The following SMURF1 variants were observed in gnomAD, a reference collection of about 807,000 sequenced individuals.
SMURF1 encodes E3 ubiquitin-protein ligase SMURF1.
A neutral mutation model predicts 98.0 loss-of-function variants in SMURF1; 44 were observed. The ratio of observed to expected loss-of-function variants is 0.45; its 90% CI spans 0.35 to 0.58. The LOEUF (loss-of-function observed/expected upper bound fraction) is 0.58, where lower values mean the gene tolerates loss of function less well. SMURF1 is among the 20% of genes least tolerant of loss of function. SMURF1 has a pLI of 0.00. For synonymous variants in SMURF1, 396 were observed against 374.9 expected, an observed-to-expected ratio of 1.06 and a Z score of -0.65; for missense variants, 687 against 938.4, an observed-to-expected ratio of 0.73 and a Z score of 3.50.
At chr7:99,138,820 C>G (rs1377088319) in intron 1 of SMURF1, among the ~76,000 whole-genome samples, 2 of 152,226 alleles carry the variant, frequency 1.3e-5, no homozygotes, top group Non-Finnish European at 2.9e-5. Context: ...CTCTATTTGG[C>G]AGAATGTGAT....
chr7:99,115,479 G>A (rs1394000525), intron 1 of SMURF1, among the ~76,000 whole-genome samples: 1 of 152,088 alleles, frequency 6.6e-6, no homozygotes, highest in African/African-American at 2.4e-5. Context: ...TGTAATCCCA[G>A]CTACTTGGGA....
chr7:99,035,220 C>CTCT (rs1795090653), intron 16 of SMURF1, among the ~76,000 whole-genome samples: 2 of 152,228 alleles, frequency 1.3e-5, no homozygotes. Context: ...CTCACAGACA[C>CTCT]TCTGAAGGCC....
intron 5 of SMURF1, among the ~76,000 whole-genome samples, chr7:99,056,990 ACC>A (rs1795891903): frequency 6.9e-6 from 1 of 145,248 alleles, no homozygotes; most frequent in Non-Finnish European, 1.5e-5. Flanking sequence ...AAAAAAAAAA[ACC>A]AAAAAAAAAA....
intron 1 of SMURF1, among the ~76,000 whole-genome samples, chr7:99,073,406 C>T (rs1349897621): frequency 3.4e-5 from 5 of 148,452 alleles, no homozygotes; most frequent in African/African-American, 9.9e-5. Context: ...AAATTTGTCA[C>T]AACATTAAAC....
intron 17 of SMURF1, 92 bp downstream of exon 17, chr7:99,032,945 C>CCAT: frequency 1.5e-6 from 2 of 1,366,550 alleles, no homozygotes; most frequent in Non-Finnish European, 2.0e-6. Context: ...GGCAGAGACT[C>CCAT]CATCTCAAAA....
intron 10 of SMURF1, 64 bp from the exon 11 acceptor site, chr7:99,045,865 A>C: frequency 7.7e-7 from 1 of 1,299,996 alleles, no homozygotes; most frequent in Non-Finnish European, 1.1e-6. Flanking sequence ...ATGAAAGGTC[A>C]TTGATAATGG....
Position 99,061,804 on chromosome 7 carries a change from A to T in SMURF1, c.89T>A (p.Phe30Tyr), listed in dbSNP as rs1796040178. 1 of 1,604,190 alleles carries T rather than the reference A, an allele frequency of 6.2e-7. No homozygotes were observed. The highest frequency in any genetic ancestry group is 1.3e-5 in the African/African-American group (1 of 74,546). The change falls in exon 2 of 18, where the codon TTC becomes TAC. Residue 30 changes from phenylalanine (F) to tyrosine (Y), a missense_variant. Physicochemically the swap from Phe to Tyr is conservative, Grantham distance 22 (BLOSUM62 3). Transcript: ENST00000361368. Reference protein sequence around the residue: ...LCAKNLAKKDFFRLPDPFAKI... With the variant: ...LCAKNLAKKDYFRLPDPFAKI... Reference sequence around the variant, plus strand: ...AAAAATAAGTGTTTACTTACTGAAGAAGTCTTTCTTTGCAAGGTTCTTGGC... The same window carrying T: ...AAAAATAAGTGTTTACTTACTGAAGTAGTCTTTCTTTGCAAGGTTCTTGGC...
intron 1 of SMURF1, chr7:99,081,185 A>G (rs1214872800): frequency 6.6e-6 from 1 of 152,268 alleles, no homozygotes; most frequent in African/African-American, 2.4e-5. Context: ...CACAAAGAGA[A>G]TGCATGTATA....
At chr7:99,138,734 A>T (rs1212031396) in intron 1 of SMURF1, among the ~76,000 whole-genome samples, 1 of 152,242 alleles carries the variant, frequency 6.6e-6, no homozygotes, top group East Asian at 1.9e-4. Flanking sequence ...AAGGAAAAAA[A>T]AATGGATTTG....
intron 1 of SMURF1, among the ~76,000 whole-genome samples, chr7:99,097,527 C>A (rs1232928694): frequency 6.6e-6 from 1 of 152,202 alleles, no homozygotes; most frequent in Non-Finnish European, 1.5e-5. Context: ...CTCTCTCTCA[C>A]ACATGTTCTC....
At chr7:99,032,204 C>A (rs1475539592) in intron 17 of SMURF1, among the ~76,000 whole-genome samples, 1 of 152,108 alleles carries the variant, frequency 6.6e-6, no homozygotes. Flanking sequence ...ACTGAAACAC[C>A]AATATTAATT....
rs1172443774 is a variant in SMURF1, at chr7:99,030,581, T to C, written c.*3A>G. The C allele has an allele frequency of 3.1e-6, 5 of 1,613,952 alleles. No homozygotes were observed. The highest frequency in any genetic ancestry group is 4.2e-6 in the Non-Finnish European group (5 of 1,179,888). ...GCTAGACTCTGTTGCCTTTGGTTGC[T>C]TTTCACTCCACAGCAAACCCGCAGG... is the stretch of plus-strand genomic sequence containing the variant. On this transcript the variant is annotated 3_prime_UTR_variant, in exon 18 of 18. Coordinates refer to ENST00000361368, the MANE Select transcript of SMURF1 (RefSeq NM_181349.3).
intron 1 of SMURF1, among the ~76,000 whole-genome samples, chr7:99,063,147 A>G (rs1796075343): frequency 6.8e-6 from 1 of 147,368 alleles, no homozygotes; most frequent in Admixed American, 6.8e-5. Flanking sequence ...CGTTTTATAA[A>G]ACTAAGTGAA....
At chr7:99,071,719 C>A (rs1563016390) in intron 1 of SMURF1, among the ~76,000 whole-genome samples, 1 of 152,090 alleles carries the variant, frequency 6.6e-6, no homozygotes, top group African/African-American at 2.4e-5. Context: ...CTATATAGGA[C>A]AATTTCTATC....
In SMURF1 at chr7:99,052,447, C is replaced by G; in HGVS notation, c.480-1G>C. On this transcript the variant is annotated splice_acceptor_variant, in intron 6 of 17. Transcript: ENST00000361368. LOFTEE classifies it high-confidence loss of function. ...AGGCCCGGAGTCTTCATACACCGTT[C>G]TGAAAGGGACGAGAGCAGGCAGGCA... The G allele has an allele frequency of 7.2e-6, 11 of 1,535,316 alleles. No homozygotes were observed. Among genetic ancestry groups the G allele is most frequent in the Non-Finnish European group, 9.7e-6 (11 of 1,138,246 alleles).
intron 1 of SMURF1, among the ~76,000 whole-genome samples, chr7:99,139,954 CAT>C (rs761457967): frequency 8.5e-5 from 13 of 152,178 alleles, no homozygotes; most frequent in Non-Finnish European, 1.5e-4. Context: ...AAATCAAACA[CAT>C]GTGCTACACT....
In SMURF1 at chr7:99,038,492, G is replaced by A; in HGVS notation, c.1584C>T (p.Thr528=). The part of the protein sequence containing the change: ...ENDITPVLDH[T]FCVEHNAFGR... ...CGAAGGCGTTGTGTTCCACGCAGAA[G>A]GTGTGGTCCAGTACAGGCGTGATGT... The change falls in exon 14 of 18, where the codon ACC becomes ACT. Residue 528 remains threonine (T), a synonymous_variant. Transcript: ENST00000361368. 2 of 1,614,276 alleles carry A rather than the reference G, an allele frequency of 1.2e-6. No homozygotes were observed. Among genetic ancestry groups the A allele is most frequent in the Non-Finnish European group, 1.7e-6 (2 of 1,180,052 alleles).
intron 1 of SMURF1, among the ~76,000 whole-genome samples, chr7:99,129,200 CCTGT>C (rs934872687): frequency 6.6e-6 from 1 of 152,142 alleles, no homozygotes; most frequent in African/African-American, 2.4e-5. Context: ...AATATAATTA[CCTGT>C]GTTTCTTTTT....
At chr7:99,117,339 C>G (rs767980551) in intron 1 of SMURF1, among the ~76,000 whole-genome samples, 1 of 151,678 alleles carries the variant, frequency 6.6e-6, no homozygotes, top group Non-Finnish European at 1.5e-5. Flanking sequence ...GCACAAACAA[C>G]GCTTTTTTTG....
Sources: allele counts gnomAD v4.1 joint callset (sites outside exome capture counted in the v4.1 genomes callset), GRCh38; gene constraint gnomAD v4.1.1; transcripts MANE v1.5; gene names NCBI Gene and HGNC (gene_info 2026-07-23, HGNC 2026-07-21).